UPP1: variants seen among roughly 807,000 people sequenced by gnomAD.
UPP1 encodes the protein uridine phosphorylase 1.
UPP1 carries 25 observed loss-of-function variants against 29.6 expected under a neutral mutation model. The observed-to-expected ratio is 0.85, with a 90% CI of 0.62 to 1.18. UPP1 has a LOEUF of 1.18. UPP1 is among the 50% of genes most tolerant of loss of function. The pLI, the probability that UPP1 is intolerant of heterozygous loss-of-function variation, is 0.00. For missense variants in UPP1, 368 were observed against 410.4 expected, an observed-to-expected ratio of 0.90 and a Z score of 0.89; for synonymous variants, 165 against 159.8, an observed-to-expected ratio of 1.03 and a Z score of -0.25.
chr7:48,107,325 A>T (rs774693636), intron 7 of UPP1, 36 bp from the exon 8 acceptor site: 2 of 1,585,912 alleles, frequency 1.3e-6, no homozygotes, highest in Admixed American at 1.7e-5. Flanking sequence ...AGCTTCTCAC[A>T]TGCATGTGGT....
At chr7:48,091,295 T>C (rs1023317664) in intron 2 of UPP1, among the ~76,000 whole-genome samples, 1 of 151,208 alleles carries the variant, frequency 6.6e-6, no homozygotes. Flanking sequence ...TCAGTTTTTT[T>C]TTTTTTTTAA....
At chr7:48,107,125 C>G (rs750155842) in intron 7 of UPP1, 43 bp downstream of exon 7, 8 of 1,599,722 alleles carry the variant, frequency 5.0e-6, no homozygotes, top group Non-Finnish European at 6.8e-6. Context: ...GCCAGGGAAC[C>G]CTGGTCCGTC....
rs143640396 is a variant in UPP1 at position 48,106,968 on chromosome 7, C to T, written c.532C>T (p.Arg178Trp). ...GATTGTCCTGGGGAAGCGGGTCATC[C>T]GGAAAACGGACCTTAACAAGAAGCT... is the stretch of plus-strand genomic sequence containing the variant. The part of the protein sequence containing the change: ...EQIVLGKRVI[R>W]KTDLNKKLVQ... Residue 178 changes from arginine (R) to tryptophan (W), a missense_variant, in exon 7 of 9, where the codon CGG becomes TGG. Arg to Trp is a moderately radical substitution (Grantham distance 101). Transcript: ENST00000395564. 140 of 1,613,206 alleles carry T rather than the reference C, an allele frequency of 8.7e-5. No homozygotes were observed. Among genetic ancestry groups the T allele is most frequent in the Non-Finnish European group, 1.1e-4 (126 of 1,179,996 alleles).
chr7:48,106,941 C>A lies in UPP1; in HGVS notation c.505C>A (p.Gln169Lys), dbSNP rs377613239. Residue 169 changes from glutamine (Q) to lysine (K), a missense_variant, in exon 7 of 9, where the codon CAG becomes AAG. Gln to Lys is a moderately conservative substitution (Grantham distance 53). Coordinates refer to ENST00000395564, the MANE Select transcript of UPP1 (RefSeq NM_003364.4). The part of the protein sequence containing the change: ...VDTCFKAEFE[Q>K]IVLGKRVIRK... ...TACCTGCTTCAAGGCAGAGTTTGAG[C>A]AGATTGTCCTGGGGAAGCGGGTCAT... 1.7e-5 allele frequency: 28 copies of A among 1,613,442 alleles called. No homozygotes were observed. Among genetic ancestry groups the A allele is most frequent in the Non-Finnish European group, 2.3e-5 (27 of 1,179,978 alleles).
rs771789770 is a variant in UPP1, at chr7:48,108,216, A to G, written c.794-2A>G. ...CCTTGATGTGGTCTTTGTCCTTTGC[A>G]GCGGCCGTGGTGTGTGTCACCCTCC... On this transcript the variant is annotated splice_acceptor_variant, in intron 8 of 8. Transcript: ENST00000395564. LOFTEE classifies it high-confidence loss of function. 4 of 1,611,828 alleles carry G rather than the reference A, an allele frequency of 2.5e-6. No homozygotes were observed. Among genetic ancestry groups the G allele is most frequent in the East Asian group, 2.2e-5 (1 of 44,844 alleles).
rs1792034762 is a variant in UPP1, at chr7:48,094,753, T to C, written c.-21-10T>C. On this transcript the variant is annotated splice_polypyrimidine_tract_variant and intron_variant, in intron 2 of 8. Coordinates refer to ENST00000395564, the MANE Select transcript of UPP1 (RefSeq NM_003364.4). ...TGGATTCACTCCATTCTGTGATTTT[T>C]TTTCCTTAGGGTCCTGCCTCAGTTG... 6.2e-7 allele frequency: 1 copy of C among 1,614,020 alleles called. No homozygotes were observed. Among genetic ancestry groups the C allele is most frequent in the Non-Finnish European group, 8.5e-7 (1 of 1,179,996 alleles).
upstream of UPP1, chr7:48,089,109 G>C (rs866756604): frequency 6.6e-6 from 1 of 151,822 alleles, no homozygotes; most frequent in African/African-American, 2.4e-5. Flanking sequence ...AGAGGAAGGT[G>C]GGGGCGGGCG....
At chr7:48,108,098 A>G in intron 8 of UPP1, 120 bp from the exon 9 acceptor site, 1 of 1,440,312 alleles carries the variant, frequency 6.9e-7, no homozygotes, top group Non-Finnish European at 9.4e-7. Flanking sequence ...CTGCATGGGC[A>G]GCCTGGTTTC....
chr7:48,099,874 T>C (rs1215344761), intron 4 of UPP1, 87 bp downstream of exon 4: 3 of 869,926 alleles, frequency 3.4e-6, no homozygotes, highest in Non-Finnish European at 5.6e-6. Context: ...CACAAATGCT[T>C]GAGAGACCAC....
At chr7:48,094,644 C>A (rs1792029172) in intron 2 of UPP1, 119 bp from the exon 3 acceptor site, 1 of 779,934 alleles carries the variant, frequency 1.3e-6, no homozygotes, top group Middle Eastern at 3.1e-4. Context: ...CACACACTTA[C>A]ATCAGGTGTG....
At position 48,092,805 on chromosome 7, in the gene UPP1, C is replaced by T. The variant is rs1433056884; in HGVS notation, c.-21-1958C>T. ...ACAACCTTCATCTCCTGGGTTCCAG[C>T]GATTCTCCTGCCTCAGCCTCCCGAG... is the stretch of plus-strand genomic sequence containing the variant. On this transcript the variant is annotated intron_variant, in intron 2 of 8. Coordinates refer to ENST00000395564, the MANE Select transcript of UPP1 (RefSeq NM_003364.4). Among the ~76,000 whole-genome samples, 4 of 151,746 alleles carry T rather than the reference C, an allele frequency of 2.6e-5. No homozygotes were observed. In the East Asian group the frequency reaches 5.8e-4, roughly 22 times the overall value.
intron 3 of UPP1, 43 bp from the exon 4 acceptor site, chr7:48,099,627 C>T (rs1337321132): frequency 5.1e-6 from 7 of 1,360,972 alleles, no homozygotes; most frequent in Non-Finnish European, 7.3e-6. Context: ...GGCTGTCGGG[C>T]ACTGATGTTC....
At chr7:48,088,958 A>G (rs184573042), upstream of UPP1, 43 of 152,508 alleles carry the variant, frequency 2.8e-4, no homozygotes, top group African/African-American at 1.0e-3. Flanking sequence ...GGGCTGTTTA[A>G]TGAGTAACAG....
intron 5 of UPP1, among the ~76,000 whole-genome samples, chr7:48,102,906 G>A (rs1354663258): frequency 6.6e-6 from 1 of 152,234 alleles, no homozygotes; most frequent in Non-Finnish European, 1.5e-5. Context: ...AGCAGAGGGT[G>A]TAGGGAGAAA....
chr7:48,101,514 A>G (rs991185318), intron 4 of UPP1, among the ~76,000 whole-genome samples: 1 of 152,098 alleles, frequency 6.6e-6, no homozygotes, highest in African/African-American at 2.4e-5. Context: ...GCCGCCTTCT[A>G]CATGACGGAG....
At chr7:48,103,707 T>G (rs1223082711) in intron 6 of UPP1, 4 of 1,262,862 alleles carry the variant, frequency 3.2e-6, no homozygotes, top group Non-Finnish European at 4.1e-6. Flanking sequence ...TGATTCTGTC[T>G]TATTCTTTCT....
intron 4 of UPP1, among the ~76,000 whole-genome samples, chr7:48,101,132 G>A (rs1026457034): frequency 6.6e-6 from 1 of 151,984 alleles, no homozygotes; most frequent in Admixed American, 6.6e-5. Context: ...GGTCTGGAAC[G>A]CCTGACCTCA....
In UPP1 at chr7:48,090,275, C is replaced by T. The variant is rs1791753639; in HGVS notation, c.-111C>T. 6.6e-6 allele frequency: 1 copy of T among 152,240 alleles called. No homozygotes were observed. Among genetic ancestry groups the T allele is most frequent in the South Asian group, 2.1e-4 (1 of 4,826 alleles). The allele number at this position is 152,240 out of a possible 1,614,324, so 9.4% of individuals were successfully genotyped here. A position where few individuals can be genotyped will look rare whatever the true frequency, so the allele number is the denominator to read the frequency against. ...GGCTTGGTGAGGTGACTCGCGGTCG[C>T]GGGTGACTCGCCGGCAGGACACTGC... On this transcript the variant is annotated 5_prime_UTR_variant, in exon 2 of 9. Transcript: ENST00000395564.
intron 6 of UPP1, chr7:48,105,484 C>G (rs937942710): frequency 1.3e-5 from 2 of 152,204 alleles, no homozygotes; most frequent in African/African-American, 4.8e-5. Context: ...CTTGTTCCCT[C>G]CCACATGTTT....
Sources: allele counts gnomAD v4.1 joint callset (sites outside exome capture counted in the v4.1 genomes callset), GRCh38; gene constraint gnomAD v4.1.1; transcripts MANE v1.5; gene names NCBI Gene and HGNC (gene_info 2026-07-23, HGNC 2026-07-21).